The following ITSN1 variants were observed in gnomAD, a reference collection of about 807,000 sequenced individuals.
ITSN1 encodes intersectin-1.
In ITSN1, 58 loss-of-function variants were observed where a neutral mutation model predicts 239.8. The ratio of observed to expected loss-of-function variants is 0.24; its 90% CI spans 0.20 to 0.30. The LOEUF (loss-of-function observed/expected upper bound fraction) is 0.30, where lower values mean the gene tolerates loss of function less well. ITSN1 is among the 10% of genes least tolerant of loss of function. The pLI, the probability that ITSN1 is intolerant of heterozygous loss-of-function variation, is 1.00. For synonymous variants in ITSN1, 780 were observed against 770.8 expected, an observed-to-expected ratio of 1.01 and a Z score of -0.20; for missense variants, 1,558 against 2,103.3, an observed-to-expected ratio of 0.74 and a Z score of 5.07.
At chr21:33,686,207 A>G (rs758041547) in intron 1 of ITSN1, among the ~76,000 whole-genome samples, 3 of 152,116 alleles carry the variant, frequency 2.0e-5, no homozygotes, top group Non-Finnish European at 4.4e-5. Flanking sequence ...TACCTATTTC[A>G]TAGGGATGTT....
At chr21:33,708,792 A>G (rs1238566862) in intron 1 of ITSN1, among the ~76,000 whole-genome samples, 2 of 152,198 alleles carry the variant, frequency 1.3e-5, no homozygotes, top group African/African-American at 4.8e-5. Flanking sequence ...TGAAGCATAT[A>G]TGGTTTTGCA....
intron 1 of ITSN1, among the ~76,000 whole-genome samples, chr21:33,681,861 G>A (rs1348262965): frequency 6.6e-6 from 1 of 151,196 alleles, no homozygotes; most frequent in Non-Finnish European, 1.5e-5. Flanking sequence ...TTAGTAGAGG[G>A]GTTTCACCGT....
chr21:33,818,825 T>G (rs571919626), intron 23 of ITSN1, among the ~76,000 whole-genome samples: 4 of 152,344 alleles, frequency 2.6e-5, no homozygotes, highest in African/African-American at 9.6e-5. Flanking sequence ...ACCCAAAGGA[T>G]CTGGGGAAAT....
intron 4 of ITSN1, among the ~76,000 whole-genome samples, chr21:33,723,086 G>A (rs1422872501): frequency 6.6e-6 from 1 of 152,166 alleles, no homozygotes; most frequent in African/African-American, 2.4e-5. Context: ...AACATTAATA[G>A]ATAATAGTGA....
At chr21:33,718,210 G>A (rs897276297) in intron 1 of ITSN1, among the ~76,000 whole-genome samples, 1 of 152,160 alleles carries the variant, frequency 6.6e-6, no homozygotes, top group African/African-American at 2.4e-5. Context: ...AAATTACCTA[G>A]TATAATGTGT....
intron 6 of ITSN1, among the ~76,000 whole-genome samples, chr21:33,750,947 T>C (rs183053479): frequency 1.1e-4 from 17 of 152,364 alleles, no homozygotes; most frequent in Non-Finnish European, 1.9e-4. Flanking sequence ...GAAAGTATTA[T>C]TTTTAAAGTA....
In ITSN1 at chr21:33,895,633, G is replaced by C. The variant is rs1209302267; in HGVS notation, c.*7333G>C. The C allele has an allele frequency of 9.6e-6, 1 of 104,486 alleles. No individual in the cohort carries two copies. Among genetic ancestry groups the C allele is most frequent in the Non-Finnish European group, 2.2e-5 (1 of 46,052 alleles). The allele number at this position is 104,486 out of a possible 1,614,324, so 6.5% of individuals were successfully genotyped here. Reference sequence around the variant, plus strand: ...CGTGTGTGCGTATTTGTGTGTGTGCGTGTGTGTGCGTGTGTATGTGCGTGT... The same window carrying C: ...CGTGTGTGCGTATTTGTGTGTGTGCCTGTGTGTGCGTGTGTATGTGCGTGT... On this transcript the variant is annotated 3_prime_UTR_variant, in exon 40 of 40. Coordinates refer to ENST00000381318, the MANE Select transcript of ITSN1 (RefSeq NM_003024.3).
chr21:33,819,013 T>C (rs1449974254), intron 23 of ITSN1, among the ~76,000 whole-genome samples: 6 of 152,178 alleles, frequency 3.9e-5, no homozygotes, highest in Non-Finnish European at 5.9e-5. Context: ...AACTAGTACA[T>C]AAGCCATGTG....
chr21:33,693,045 C>G (rs149641010), intron 1 of ITSN1, among the ~76,000 whole-genome samples: 103 of 152,272 alleles, frequency 6.8e-4, no homozygotes, highest in African/African-American at 2.4e-3. Flanking sequence ...GATCCGCCCA[C>G]CTCGCCTCCC....
intron 22 of ITSN1, among the ~76,000 whole-genome samples, chr21:33,816,327 G>C (rs1438459886): frequency 6.6e-6 from 1 of 152,158 alleles, no homozygotes; most frequent in Non-Finnish European, 1.5e-5. Context: ...GCTCACCACT[G>C]TTATTTCTAT....
chr21:33,740,578 G>A (rs1374675776), intron 5 of ITSN1, among the ~76,000 whole-genome samples: 1 of 152,188 alleles, frequency 6.6e-6, no homozygotes, highest in Non-Finnish European at 1.5e-5. Context: ...AGCAGTTTCA[G>A]TATAGTGATA....
intron 31 of ITSN1, among the ~76,000 whole-genome samples, chr21:33,862,591 C>T (rs57838454): frequency 0.059 from 8,962 of 152,034 alleles, 351 homozygotes; most frequent in African/African-American, 0.12. Context: ...GGCTTGAGGG[C>T]GAGATGGCGG....
At chr21:33,646,123 T>C (rs2087920174) in intron 1 of ITSN1, among the ~76,000 whole-genome samples, 1 of 152,200 alleles carries the variant, frequency 6.6e-6, no homozygotes, top group Non-Finnish European at 1.5e-5. Flanking sequence ...AAGCCCAGCA[T>C]ATTACAAAAA....
intron 5 of ITSN1, among the ~76,000 whole-genome samples, chr21:33,735,897 G>A (rs965894359): frequency 2.0e-5 from 3 of 151,964 alleles, no homozygotes; most frequent in Non-Finnish European, 2.9e-5. Flanking sequence ...CCAGCTACTC[G>A]GAGAGGCTGA....
intron 12 of ITSN1, among the ~76,000 whole-genome samples, chr21:33,772,628 T>C (rs959881467): frequency 2.6e-5 from 4 of 152,248 alleles, no homozygotes; most frequent in African/African-American, 9.6e-5. Flanking sequence ...ATATGGACTT[T>C]TGTTTCTGGC....
At chr21:33,745,879 A>C (rs1027812049) in intron 5 of ITSN1, among the ~76,000 whole-genome samples, 5 of 152,244 alleles carry the variant, frequency 3.3e-5, no homozygotes, top group Admixed American at 2.0e-4. Context: ...CTAGCCCTCA[A>C]ACTGCATGCA....
At chr21:33,669,847 A>C (rs890339262) in intron 1 of ITSN1, among the ~76,000 whole-genome samples, 3 of 151,952 alleles carry the variant, frequency 2.0e-5, no homozygotes, top group Admixed American at 6.6e-5. Flanking sequence ...GAGTGGCTTC[A>C]TCATTTGTTC....
chr21:33,666,044 T>C (rs1428140833), intron 1 of ITSN1, among the ~76,000 whole-genome samples: 1 of 152,082 alleles, frequency 6.6e-6, no homozygotes, highest in Non-Finnish European at 1.5e-5. Flanking sequence ...TTCTCGTGCC[T>C]GAGCCTCCTG....
intron 16 of ITSN1, among the ~76,000 whole-genome samples, chr21:33,789,000 T>A (rs1201733060): frequency 6.6e-6 from 1 of 152,216 alleles, no homozygotes; most frequent in Non-Finnish European, 1.5e-5. Flanking sequence ...ATAAATGGGC[T>A]ATCAGTTTAC....
Sources: allele counts gnomAD v4.1 joint callset (sites outside exome capture counted in the v4.1 genomes callset), GRCh38; gene constraint gnomAD v4.1.1; transcripts MANE v1.5; gene names NCBI Gene and HGNC (gene_info 2026-07-23, HGNC 2026-07-21).